ZC3H12B: variants seen among roughly 807,000 people sequenced by gnomAD.
ZC3H12B encodes the protein zinc finger CCCH-type containing 12B.
A neutral mutation model predicts 43.9 loss-of-function variants in ZC3H12B; 7 were observed. The ratio of observed to expected loss-of-function variants is 0.16; its 90% CI spans 0.09 to 0.30. The LOEUF (loss-of-function observed/expected upper bound fraction) is 0.30, where lower values mean the gene tolerates loss of function less well. ZC3H12B is among the 10% of genes least tolerant of loss of function. The pLI is 1.00. For missense variants in ZC3H12B, 475 were observed against 670.2 expected, an observed-to-expected ratio of 0.71 and a Z score of 3.22; for synonymous variants, 222 against 241.7, an observed-to-expected ratio of 0.92 and a Z score of 0.76.
the ZC3H12B span, chrX:65,357,412 G>C: frequency 5.3e-3 from 961 of 181,174 alleles, 13 homozygotes; most frequent in African/African-American, 0.028. Context: ...TCCCAGAGGA[G>C]AGCTCCAAAT....
the ZC3H12B span, chrX:65,271,736 C>T: frequency 7.8e-6 from 1 of 128,229 alleles, no homozygotes; most frequent in Non-Finnish European, 1.6e-5. Flanking sequence ...AGTTAAGTAA[C>T]TTGGCAGGAC....
the ZC3H12B span, among the ~76,000 whole-genome samples, chrX:65,279,275 C>T: frequency 9.3e-6 from 1 of 107,157 alleles, no homozygotes; most frequent in African/African-American, 3.5e-5. Flanking sequence ...TAAGTGTTCC[C>T]TTCTCTCCGC....
At chrX:65,416,783 C>T (rs1463499896) in intron 3 of ZC3H12B, among the ~76,000 whole-genome samples, 6 of 104,711 alleles carry the variant, frequency 5.7e-5, no homozygotes, top group Non-Finnish European at 9.7e-5. Context: ...AGCGAGACTC[C>T]GTCAAAAAAA....
chrX:65,384,279 A>G (rs1212390894), intron 2 of ZC3H12B, among the ~76,000 whole-genome samples: 2 of 107,284 alleles, frequency 1.9e-5, no homozygotes, highest in African/African-American at 6.8e-5. Flanking sequence ...ACAAAAAACC[A>G]AACACCGCAT....
intron 3 of ZC3H12B, among the ~76,000 whole-genome samples, chrX:65,458,675 C>A (rs1370288096): frequency 8.9e-6 from 1 of 111,871 alleles, no homozygotes; most frequent in Non-Finnish European, 1.9e-5. Flanking sequence ...AACAAAGACA[C>A]AACATACCAG....
At chrX:65,274,832 G>C in the ZC3H12B span, among the ~76,000 whole-genome samples, 44 of 111,417 alleles carry the variant, frequency 3.9e-4, no homozygotes, top group African/African-American at 1.4e-3. Context: ...CCCCCAGTCT[G>C]GCCAAACATC....
chrX:65,282,352 T>A, the ZC3H12B span, among the ~76,000 whole-genome samples: 3 of 110,672 alleles, frequency 2.7e-5, no homozygotes, highest in Admixed American at 2.9e-4. Context: ...TTAAGTGAAA[T>A]CTCTAAAATC....
At chrX:65,138,758 G>A in the ZC3H12B span, among the ~76,000 whole-genome samples, 2 of 111,097 alleles carry the variant, frequency 1.8e-5, no homozygotes, top group Non-Finnish European at 3.8e-5. Flanking sequence ...CTTGATATCT[G>A]TAATCTTTTT....
the ZC3H12B span, chrX:65,187,162 A>G: frequency 8.9e-6 from 1 of 111,745 alleles, no homozygotes; most frequent in Admixed American, 9.6e-5. Context: ...CCTCAGTTTC[A>G]TATTAACTTC....
chrX:65,230,943 A>G, the ZC3H12B span, among the ~76,000 whole-genome samples: 1 of 112,342 alleles, frequency 8.9e-6, no homozygotes, highest in Non-Finnish European at 1.9e-5. Context: ...ATGAAGACTT[A>G]AGGATAAACC....
the ZC3H12B span, among the ~76,000 whole-genome samples, chrX:65,266,603 G>A: frequency 1.8e-5 from 2 of 111,820 alleles, no homozygotes; most frequent in Non-Finnish European, 1.9e-5. Context: ...ATGGAATGTT[G>A]AATTGCTACC....
intron 3 of ZC3H12B, among the ~76,000 whole-genome samples, chrX:65,447,859 G>C (rs1376063340): frequency 1.8e-5 from 2 of 111,683 alleles, no homozygotes; most frequent in Admixed American, 9.6e-5. Flanking sequence ...CACTAATCAT[G>C]AGGGAAATGC....
chrX:65,339,374 C>T, the ZC3H12B span, among the ~76,000 whole-genome samples: 1 of 111,881 alleles, frequency 8.9e-6, no homozygotes, highest in Non-Finnish European at 1.9e-5. Flanking sequence ...TGGGAAAAAG[C>T]AAGTTGCTCT....
chrX:65,289,350 G>A, the ZC3H12B span, among the ~76,000 whole-genome samples: 2 of 110,064 alleles, frequency 1.8e-5, no homozygotes, highest in Non-Finnish European at 3.8e-5. Flanking sequence ...ATATATTACA[G>A]GTTGGGAGGA....
At chrX:65,392,344 C>A (rs1286351215) in intron 2 of ZC3H12B, among the ~76,000 whole-genome samples, 1 of 111,934 alleles carries the variant, frequency 8.9e-6, no homozygotes, top group African/African-American at 3.2e-5. Flanking sequence ...GGCCGCCCAT[C>A]TTCTGGGATG....
At chrX:65,258,718 G>T in the ZC3H12B span, among the ~76,000 whole-genome samples, 3 of 111,659 alleles carry the variant, frequency 2.7e-5, no homozygotes, top group Non-Finnish European at 5.6e-5. Flanking sequence ...CTTCAGCAAA[G>T]TTTCAGGATA....
chrX:65,283,017 C>CA, the ZC3H12B span, among the ~76,000 whole-genome samples: 6 of 111,165 alleles, frequency 5.4e-5, no homozygotes, highest in Admixed American at 1.9e-4. Flanking sequence ...AGAGACACAA[C>CA]AAAAAAAGAG....
the ZC3H12B span, among the ~76,000 whole-genome samples, chrX:65,316,266 A>C: frequency 8.9e-6 from 1 of 112,345 alleles, no homozygotes; most frequent in Non-Finnish European, 1.9e-5. Context: ...GATAGTGTAC[A>C]TGAAAACTTT....
the ZC3H12B span, among the ~76,000 whole-genome samples, chrX:65,068,319 A>G: frequency 9.1e-6 from 1 of 109,380 alleles, no homozygotes; most frequent in Non-Finnish European, 1.9e-5. Flanking sequence ...TCGTTTAGTG[A>G]AGGTTCTTTT....
Sources: gnomAD v4.1 joint callset for allele counts (sites outside exome capture counted in the v4.1 genomes callset) on GRCh38, gnomAD v4.1.1 for gene constraint, MANE v1.5 for transcripts, NCBI Gene and HGNC (gene_info 2026-07-23, HGNC 2026-07-21) for gene names.